UBA2: variants seen among roughly 807,000 people sequenced by gnomAD.
The protein encoded by UBA2 is ubiquitin like modifier activating enzyme 2, also known as SUMO-activating enzyme subunit 2.
UBA2 carries 11 observed loss-of-function variants against 77.2 expected under a neutral mutation model. That is an observed-to-expected ratio of 0.14 (90% CI 0.09 to 0.24). UBA2 has a LOEUF of 0.24. UBA2 is among the 10% of genes least tolerant of loss of function. The pLI is 1.00. For synonymous variants in UBA2, 278 were observed against 276.7 expected (o/e 1.00, Z -0.05); for missense variants, 487 against 781.7 (o/e 0.62, Z 4.50).
Position 34,428,506 on chromosome 19 carries a change from C to T in UBA2, c.74C>T (p.Ala25Val). 7.7e-7 allele frequency: 1 copy of T among 1,301,670 alleles called. No individual in the cohort carries two copies. The highest frequency in any genetic ancestry group is 9.8e-7 in the Non-Finnish European group (1 of 1,018,124). The allele number at this position is 1,301,670 out of a possible 1,614,324, so 80.6% of individuals were successfully genotyped here. A position where few individuals can be genotyped will look rare whatever the true frequency, so the allele number is the denominator to read the frequency against. Residue 25 changes from alanine (A) to valine (V), a missense_variant, in exon 1 of 17, where the codon GCG (alanine) becomes GTG (valine). Physicochemically the swap from Ala to Val is moderately conservative, Grantham distance 64. Around this residue, in one of 9 missense-constraint regions of UBA2, gnomAD observed 3 missense variants for 16.2 expected, o/e 0.18. Transcript: ENST00000246548. ...GGGGGCCGGGTGCTGGTGGTGGGGGCGGGCGGCATCGGCTGCGAGCTCCTC... is the reference window on the plus strand; with the variant it reads ...GGGGGCCGGGTGCTGGTGGTGGGGGTGGGCGGCATCGGCTGCGAGCTCCTC... Reference protein sequence around the residue: ...VAGGRVLVVGAGGIGCELLKN... With the variant: ...VAGGRVLVVGVGGIGCELLKN...
chr19:34,433,008 A>G (rs1382126074), intron 3 of UBA2, among the ~76,000 whole-genome samples: 1 of 152,182 alleles, frequency 6.6e-6, no homozygotes, highest in Non-Finnish European at 1.5e-5. Context: ...GTGAAGTCAG[A>G]GGCCAGGCAG....
At chr19:34,445,427 C>T (rs894764416) in intron 8 of UBA2, among the ~76,000 whole-genome samples, 14 of 143,066 alleles carry the variant, frequency 9.8e-5, no homozygotes, top group African/African-American at 3.6e-4. Flanking sequence ...TGCTGCTTCT[C>T]ATCTTCACTT....
Position 34,443,330 on chromosome 19 carries a change from G to A in UBA2, c.582-514G>A, listed in dbSNP as rs78044554. On this transcript the variant is annotated intron_variant, in intron 6 of 16. Coordinates refer to ENST00000246548, the MANE Select transcript of UBA2 (RefSeq NM_005499.3). ...CAGAGCCTCGCTGATAGGAATGGAT[G>A]TAGGTCTGCTAAAATTTAACCTTGC... Among the ~76,000 whole-genome samples, 275 of 152,210 alleles carry A rather than the reference G, an allele frequency of 1.8e-3. 4 individuals are homozygous for A. In the South Asian group the frequency reaches 0.025, roughly 14 times the overall value.
chr19:34,462,756 A>G (rs140260202), intron 14 of UBA2, among the ~76,000 whole-genome samples: 2,225 of 152,276 alleles, frequency 0.015, 25 homozygotes, highest in South Asian at 0.026. Context: ...ACTTGAGGCC[A>G]GGAGTTTGAG....
At chr19:34,453,788 A>G (rs564293063) in intron 10 of UBA2, among the ~76,000 whole-genome samples, 1 of 152,118 alleles carries the variant, frequency 6.6e-6, no homozygotes, top group African/African-American at 2.4e-5. Context: ...TCAACCTACT[A>G]AATTGCTTGA....
intron 4 of UBA2, 56 bp from the exon 5 acceptor site, chr19:34,434,812 T>A: frequency 7.4e-7 from 1 of 1,354,094 alleles, no homozygotes; most frequent in African/African-American, 1.5e-5. Flanking sequence ...TCATCCTAAT[T>A]AAAGATAACT....
intron 3 of UBA2, among the ~76,000 whole-genome samples, chr19:34,432,744 G>C (rs1418636553): frequency 6.6e-6 from 1 of 152,120 alleles, no homozygotes; most frequent in African/African-American, 2.4e-5. Flanking sequence ...TTTAGTAGGC[G>C]GGGTTTCATC....
At chr19:34,456,100 C>CTTTTTTTTTTTTTTTTTTTTTTGT (rs869118014) in intron 12 of UBA2, among the ~76,000 whole-genome samples, 1 of 55,782 alleles carries the variant, frequency 1.8e-5, no homozygotes, top group Non-Finnish European at 3.2e-5. Context: ...TTTTCCTTTT[C>CTTTTTTTTTTTTTTTTTTTTTTGT]TTTTTCTTTT....
At chr19:34,439,920 G>A (rs777222906) in intron 6 of UBA2, among the ~76,000 whole-genome samples, 8 of 152,162 alleles carry the variant, frequency 5.3e-5, no homozygotes, top group African/African-American at 1.7e-4. Flanking sequence ...AGAACTAAAC[G>A]GGGAATACAG....
intron 5 of UBA2, among the ~76,000 whole-genome samples, chr19:34,435,940 G>A (rs561433920): frequency 6.6e-6 from 1 of 152,022 alleles, no homozygotes; most frequent in Non-Finnish European, 1.5e-5. Flanking sequence ...GTCCAACATG[G>A]TGAAACCCTG....
intron 2 of UBA2, 107 bp downstream of exon 2, chr19:34,430,766 A>G (rs2075244239): frequency 5.2e-6 from 4 of 773,330 alleles, no homozygotes; most frequent in Non-Finnish European, 8.8e-6. Context: ...TGAAGCTCTC[A>G]TTTCAGCTGA....
chr19:34,469,088 C>G lies in UBA2; in HGVS notation c.1790C>G (p.Ser597Cys), dbSNP rs765527310. 2.5e-6 allele frequency: 4 copies of G among 1,611,358 alleles called. No individual in the cohort carries two copies. Among genetic ancestry groups the G allele is most frequent in the Middle Eastern group, 1.7e-4 (1 of 6,050 alleles). The change falls in exon 17 of 17, where the codon TCT becomes TGT. Residue 597 changes from serine (S) to cysteine (C), a missense_variant. By Grantham distance (112) the Ser-to-Cys change is moderately radical. Coordinates refer to ENST00000246548, the MANE Select transcript of UBA2 (RefSeq NM_005499.3). The stretch of plus-strand genomic sequence containing the variant: ...ATAGTTGATTCAGATGAAGAAGATT[C>G]TTCAAATAATGCCGACGTCAGTGAA... ...VLIVDSDEED[S>C]SNNADVSEEE...
In UBA2 at chr19:34,452,068, G is replaced by A. The variant is rs777968951; in HGVS notation, c.959G>A (p.Arg320His). 1.6e-5 allele frequency: 25 copies of A among 1,611,108 alleles called. No individual in the cohort carries two copies. Among genetic ancestry groups the A allele is most frequent in the East Asian group, 4.5e-5 (2 of 44,824 alleles). The part of the protein sequence containing the change: ...QQVLDVKSYA[R>H]LFSKSIETLR... Reference sequence around the variant, plus strand: ...GTTCTAGATGTAAAGAGCTATGCACGTCTTTTTTCAAAGAGCATCGAGACT... The same window carrying A: ...GTTCTAGATGTAAAGAGCTATGCACATCTTTTTTCAAAGAGCATCGAGACT... Residue 320 changes from arginine to histidine, a missense_variant, in exon 10 of 17, where the codon CGT becomes CAT. Transcript: ENST00000246548.
At chr19:34,440,456 T>C (rs2075356737) in intron 6 of UBA2, among the ~76,000 whole-genome samples, 1 of 152,212 alleles carries the variant, frequency 6.6e-6, no homozygotes, top group South Asian at 2.1e-4. Flanking sequence ...AAGGAGTATA[T>C]TGTAATATTA....
At chr19:34,434,323 C>A (rs2075287031) in intron 4 of UBA2, among the ~76,000 whole-genome samples, 5 of 152,000 alleles carry the variant, frequency 3.3e-5, no homozygotes. Flanking sequence ...GCTTTGTTGC[C>A]CAGGCTGGCC....
chr19:34,436,418 G>A (rs561623381), intron 5 of UBA2, among the ~76,000 whole-genome samples: 1 of 152,236 alleles, frequency 6.6e-6, no homozygotes, highest in East Asian at 1.9e-4. Context: ...TCCTGCCTCA[G>A]TCTCCCGAGT....
intron 14 of UBA2, among the ~76,000 whole-genome samples, chr19:34,461,360 T>C (rs1453718269): frequency 6.6e-6 from 1 of 152,252 alleles, no homozygotes; most frequent in Non-Finnish European, 1.5e-5. Context: ...AGGTTTAGTG[T>C]CAAGGTTCTT....
At chr19:34,446,850 C>T (rs886222735) in intron 8 of UBA2, among the ~76,000 whole-genome samples, 2 of 152,158 alleles carry the variant, frequency 1.3e-5, no homozygotes, top group Non-Finnish European at 2.9e-5. Context: ...AGGTGATCTG[C>T]CTGCCTCGGC....
At chr19:34,467,405 C>T (rs563837205) in intron 16 of UBA2, among the ~76,000 whole-genome samples, 1 of 150,778 alleles carries the variant, frequency 6.6e-6, no homozygotes, top group South Asian at 2.1e-4. Context: ...GAGTTCGACA[C>T]TGCAGTGAGC....
Sources: gnomAD v4.1 joint callset for allele counts (sites outside exome capture counted in the v4.1 genomes callset) on GRCh38, gnomAD v4.1.1 for gene constraint, gnomAD v4.1.1 regional missense constraint, MANE v1.5 for transcripts, NCBI Gene and HGNC (gene_info 2026-07-23, HGNC 2026-07-21) for gene names.